FYB1: variants seen among roughly 807,000 people sequenced by gnomAD.
FYB1 encodes FYN-binding protein 1.
FYB1 carries 41 observed loss-of-function variants against 94.1 expected under a neutral mutation model. That is an observed-to-expected ratio of 0.44 (90% CI 0.34 to 0.57). FYB1 has a LOEUF of 0.57. FYB1 is among the 20% of genes least tolerant of loss of function. The pLI is 0.02. For missense variants in FYB1, 1,050 were observed against 976.8 expected, an observed-to-expected ratio of 1.07 and a Z score of -1.00; for synonymous variants, 367 against 353.2, an observed-to-expected ratio of 1.04 and a Z score of -0.44.
At chr5:39,110,321 T>C (rs769712845) in intron 17 of FYB1, 35 bp downstream of exon 17, 12 of 1,437,718 alleles carry the variant, frequency 8.3e-6, no homozygotes, top group Non-Finnish European at 1.1e-5. Flanking sequence ...CAAAATTCTT[T>C]TCACAAGCAT....
intron 1 of FYB1, among the ~76,000 whole-genome samples, chr5:39,263,465 T>C (rs1752309593): frequency 6.6e-6 from 1 of 151,960 alleles, no homozygotes; most frequent in Non-Finnish European, 1.5e-5. Flanking sequence ...AGGCCAGGGA[T>C]GGCAACAGGG....
At chr5:39,126,842 C>T (rs1011235753) in intron 11 of FYB1, among the ~76,000 whole-genome samples, 19 of 151,320 alleles carry the variant, frequency 1.3e-4, no homozygotes, top group Non-Finnish European at 1.2e-4. Flanking sequence ...GCAGATCACC[C>T]GAGATCAGAA....
At chr5:39,250,775 A>G (rs1372103857) in intron 1 of FYB1, 3 of 152,312 alleles carry the variant, frequency 2.0e-5, no homozygotes, top group South Asian at 2.1e-4. Flanking sequence ...TGTGAGCTTC[A>G]TGCTGCGAGT....
chr5:39,227,648 T>C (rs78827934), intron 1 of FYB1, among the ~76,000 whole-genome samples: 26 of 152,364 alleles, frequency 1.7e-4, no homozygotes, highest in Non-Finnish European at 3.5e-4. Context: ...TAGCTTTCCA[T>C]GCAAAGTCTG....
At chr5:39,127,059 CA>C (rs200980181) in intron 11 of FYB1, among the ~76,000 whole-genome samples, 1,106 of 77,434 alleles carry the variant, frequency 0.014, 1 homozygote, top group African/African-American at 0.028. Flanking sequence ...ACTCAGGTCT[CA>C]AAAAAAAAAA....
intron 2 of FYB1, among the ~76,000 whole-genome samples, chr5:39,183,125 C>G (rs370771526): frequency 6.6e-6 from 1 of 152,020 alleles, no homozygotes; most frequent in African/African-American, 2.4e-5. Context: ...TGGGTTCAAG[C>G]GCTTCTCCTG....
chr5:39,129,278 C>T (rs905729571), intron 10 of FYB1, among the ~76,000 whole-genome samples: 8 of 151,832 alleles, frequency 5.3e-5, no homozygotes, highest in African/African-American at 1.5e-4. Flanking sequence ...TAAAACTAGG[C>T]GCCATCTCTC....
intron 13 of FYB1, among the ~76,000 whole-genome samples, chr5:39,123,464 CT>C (rs567245811): frequency 7.4e-4 from 112 of 152,198 alleles, no homozygotes; most frequent in African/African-American, 2.6e-3. Context: ...TTTATACCCA[CT>C]TTTTGAGGAG....
chr5:39,210,797 GC>G (rs769842864), intron 1 of FYB1, among the ~76,000 whole-genome samples: 3 of 152,166 alleles, frequency 2.0e-5, no homozygotes, highest in Non-Finnish European at 4.4e-5. Context: ...GACCGCTTGA[GC>G]CCAAGGGTTT....
intron 14 of FYB1, among the ~76,000 whole-genome samples, chr5:39,121,794 T>C (rs1345995883): frequency 1.3e-5 from 2 of 152,174 alleles, no homozygotes; most frequent in Non-Finnish European, 2.9e-5. Flanking sequence ...GAATGTAACC[T>C]ACCTAAAAGT....
chr5:39,165,814 G>A (rs1744675720), intron 2 of FYB1, among the ~76,000 whole-genome samples: 2 of 152,154 alleles, frequency 1.3e-5, no homozygotes, highest in South Asian at 4.1e-4. Flanking sequence ...AGTGGGCAAA[G>A]GACATTGAAC....
chr5:39,244,761 G>A lies in FYB1; in HGVS notation c.-28+29642C>T, dbSNP rs191558207. On this transcript the variant is annotated intron_variant, in intron 1 of 1. Transcript: ENST00000510188. ...TCTGGTAGAATTCGGCTGTGAATCC[G>A]TCTGGTCCTGGACTTTTTTTGGTTG... Among the ~76,000 whole-genome samples, 1,181 of 152,104 alleles carry A rather than the reference G, an allele frequency of 7.8e-3. 24 individuals are homozygous for A. Among genetic ancestry groups the A allele is most frequent in the African/African-American group, 0.027 (1,109 of 41,522 alleles).
chr5:39,149,363 G>C (rs1056088205), intron 3 of FYB1, among the ~76,000 whole-genome samples: 1 of 152,156 alleles, frequency 6.6e-6, no homozygotes, highest in Non-Finnish European at 1.5e-5. Context: ...ATGCTAGGGA[G>C]AACTGTAAAC....
rs1297680790 is a variant in FYB1, at chr5:39,126,062, C to T, written c.1981G>A (p.Asp661Asn). Residue 661 changes from aspartate to asparagine, a missense_variant, in exon 12 of 19, where the codon GAC becomes AAC. Transcript: ENST00000512982. ...GILKMLKGKD[D>N]RKKSIREKPK... ...TTCTCTCGTATACTTTTCTTTCTGTCATCTTTTCCCTTTAACATCTTCAAA... is the reference window on the plus strand; with the variant it reads ...TTCTCTCGTATACTTTTCTTTCTGTTATCTTTTCCCTTTAACATCTTCAAA... 6.2e-7 allele frequency: 1 copy of T among 1,613,402 alleles called. No homozygotes were observed. Among genetic ancestry groups the T allele is most frequent in the Admixed American group, 1.7e-5 (1 of 59,948 alleles).
intron 6 of FYB1, 121 bp downstream of exon 6, chr5:39,138,536 C>T (rs770703251): frequency 3.7e-4 from 197 of 535,492 alleles, no homozygotes; most frequent in Non-Finnish European, 5.6e-4. Context: ...AGTTATTATA[C>T]GCCAGTCATT....
chr5:39,173,458 T>C (rs2150404277), intron 2 of FYB1, among the ~76,000 whole-genome samples: 1 of 152,316 alleles, frequency 6.6e-6, no homozygotes, highest in Non-Finnish European at 1.5e-5. Context: ...TTGTCTGTTT[T>C]TGTTACTGCT....
chr5:39,157,178 A>T (rs1561189214), intron 2 of FYB1, among the ~76,000 whole-genome samples: 1 of 151,244 alleles, frequency 6.6e-6, no homozygotes, highest in East Asian at 1.9e-4. Flanking sequence ...AACTCTAGTC[A>T]TTTTTTTTTA....
At chr5:39,219,408 T>G in intron 1 of FYB1, 35 bp downstream of exon 1, 1 of 984,748 alleles carries the variant, frequency 1.0e-6, no homozygotes, top group Non-Finnish European at 1.2e-6. Flanking sequence ...AATTACACAT[T>G]TATTTGAAAG....
At chr5:39,114,714 G>A in intron 16 of FYB1, among the ~76,000 whole-genome samples, 1 of 152,162 alleles carries the variant, frequency 6.6e-6, no homozygotes, top group Admixed American at 6.6e-5. Flanking sequence ...CTATTCAGCA[G>A]ACTTCTTTCT....
Sources: allele counts gnomAD v4.1 joint callset (sites outside exome capture counted in the v4.1 genomes callset), GRCh38; gene constraint gnomAD v4.1.1; transcripts MANE v1.5; gene names NCBI Gene and HGNC (gene_info 2026-07-23, HGNC 2026-07-21).